The following IRF8 variants were observed in gnomAD, a reference collection of about 807,000 sequenced individuals.
IRF8 encodes the protein interferon regulatory factor 8.
IRF8 carries 14 observed loss-of-function variants against 48.7 expected under a neutral mutation model. The ratio of observed to expected loss-of-function variants is 0.29; its 90% CI spans 0.19 to 0.45. The LOEUF is 0.45. IRF8 is among the 20% of genes least tolerant of loss of function. The pLI is 1.00. For missense variants in IRF8, 493 were observed against 580.7 expected, an observed-to-expected ratio of 0.85 and a Z score of 1.55; for synonymous variants, 278 against 227.3, an observed-to-expected ratio of 1.22 and a Z score of -2.01.
chr16:85,920,527 C>T (rs112530866), intron 8 of IRF8, among the ~76,000 whole-genome samples: 10 of 152,288 alleles, frequency 6.6e-5, no homozygotes, highest in African/African-American at 2.4e-4. Flanking sequence ...CGTGAGCCAC[C>T]TCGCCCGGCA....
At chr16:85,904,894 C>T (rs1192454886) in intron 2 of IRF8, among the ~76,000 whole-genome samples, 2 of 144,858 alleles carry the variant, frequency 1.4e-5, no homozygotes, top group Non-Finnish European at 3.0e-5. Context: ...GTGCCAGAGT[C>T]CCATTCAGTC....
In IRF8 at chr16:85,921,094, C is replaced by T. The variant is rs1397697677; in HGVS notation, c.1105-12C>T. 1.2e-6 allele frequency: 2 copies of T among 1,608,830 alleles called. No homozygotes were observed. Among genetic ancestry groups the T allele is most frequent in the Admixed American group, 1.7e-5 (1 of 59,318 alleles). On this transcript the variant is annotated splice_polypyrimidine_tract_variant and intron_variant, in intron 8 of 8. Transcript: ENST00000268638. ...CCGCCTCTGCCTCTGACTTTCTGCA[C>T]CTCCCATCTAGATTGAGCAGCTGTA...
rs374858737 is a variant in IRF8 at position 85,902,851 on chromosome 16, T to C, written c.-1-164T>C. 9.2e-5 allele frequency: 69 copies of C among 747,542 alleles called. No homozygotes were observed. In the Middle Eastern group the frequency reaches 1.1e-3, roughly 11 times the overall value. 46.3% of individuals were successfully genotyped at this position (747,542 alleles called of 1,614,324 possible). ...GGCTGTGAGGTCATGGAGGCCAGCA[T>C]TGCCTTCTCATGGCAGGTGTCCCGG... On this transcript the variant is annotated intron_variant, in intron 1 of 8. Coordinates refer to ENST00000268638, the MANE Select transcript of IRF8 (RefSeq NM_002163.4).
intron 7 of IRF8, among the ~76,000 whole-genome samples, chr16:85,919,550 G>A (rs1036351056): frequency 7.9e-5 from 12 of 152,186 alleles, no homozygotes; most frequent in African/African-American, 9.7e-5. Context: ...GTGTGAGGCC[G>A]CGGTTATCAC....
chr16:85,906,579 C>G (rs992126984), intron 2 of IRF8, among the ~76,000 whole-genome samples: 1 of 152,338 alleles, frequency 6.6e-6, no homozygotes, highest in East Asian at 1.9e-4. Flanking sequence ...CCTGGACTTG[C>G]TCGTGGGGTG....
chr16:85,917,753 T>C (rs1905363886), intron 6 of IRF8, among the ~76,000 whole-genome samples: 1 of 152,216 alleles, frequency 6.6e-6, no homozygotes, highest in Non-Finnish European at 1.5e-5. Flanking sequence ...GTTGGAAGAA[T>C]ATTGAAGATG....
intron 5 of IRF8, 111 bp from the exon 6 acceptor site, chr16:85,914,362 G>A: frequency 3.2e-6 from 4 of 1,258,004 alleles, no homozygotes; most frequent in Admixed American, 1.8e-5. Flanking sequence ...TGGAGCCTCT[G>A]GCACGCCATG....
At chr16:85,899,560 G>A (rs1370490890) in intron 1 of IRF8, among the ~76,000 whole-genome samples, 1 of 152,102 alleles carries the variant, frequency 6.6e-6, no homozygotes, top group Non-Finnish European at 1.5e-5. Context: ...CTTGAAACGC[G>A]CTCTATCATC....
chr16:85,900,096 T>C (rs1904781934), intron 1 of IRF8, among the ~76,000 whole-genome samples: 1 of 152,330 alleles, frequency 6.6e-6, no homozygotes, highest in East Asian at 1.9e-4. Flanking sequence ...ATTCAGTCAC[T>C]TGAGGAAGGT....
chr16:85,914,254 T>TC, intron 5 of IRF8: 2 of 600,924 alleles, frequency 3.3e-6, no homozygotes, highest in Admixed American at 2.5e-5. Flanking sequence ...ATAGAGGAAG[T>TC]CCCCCCGACT....
At chr16:85,918,235 A>G in intron 6 of IRF8, 182 bp from the exon 7 acceptor site, 1 of 644,320 alleles carries the variant, frequency 1.6e-6, no homozygotes, top group East Asian at 2.7e-5. Context: ...CATTCTGTGT[A>G]TTTATTCATG....
chr16:85,909,245 G>A (rs780982290), intron 3 of IRF8, 72 bp downstream of exon 3: 5 of 1,270,560 alleles, frequency 3.9e-6, no homozygotes, highest in South Asian at 2.5e-5. Context: ...CAGAACTTGG[G>A]TCTGGGGTAG....
chr16:85,918,848 C>T (rs374707421), intron 7 of IRF8, 45 bp downstream of exon 7: 58 of 1,598,624 alleles, frequency 3.6e-5, no homozygotes, highest in African/African-American at 1.3e-4. Flanking sequence ...TTAGAGATCA[C>T]GCCTCCTATC....
chr16:85,900,094 A>T, intron 1 of IRF8, among the ~76,000 whole-genome samples: 1 of 152,218 alleles, frequency 6.6e-6, no homozygotes, highest in Admixed American at 6.5e-5. Flanking sequence ...TGATTCAGTC[A>T]CTTGAGGAAG....
At position 85,921,667 on chromosome 16, in the gene IRF8, T is replaced by G; in HGVS notation, c.*385T>G. ...AGGAATTTGGAGTTTAAAAATCAAC[T>G]TGTGAAAACAAGGTTGTTTTTGTCT... On this transcript the variant is annotated 3_prime_UTR_variant, in exon 9 of 9. Coordinates refer to ENST00000268638, the MANE Select transcript of IRF8 (RefSeq NM_002163.4). The G allele has an allele frequency of 1.2e-5, 3 of 257,748 alleles. No individual in the cohort carries two copies. The highest frequency in any genetic ancestry group is 2.3e-5 in the Non-Finnish European group (3 of 131,330). 16.0% of individuals were successfully genotyped at this position (257,748 alleles called of 1,614,324 possible).
intron 6 of IRF8, among the ~76,000 whole-genome samples, chr16:85,915,242 C>G (rs1461577761): frequency 6.6e-6 from 1 of 152,230 alleles, no homozygotes; most frequent in Non-Finnish European, 1.5e-5. Flanking sequence ...GACGCTCAGG[C>G]GTGGTGACGG....
intron 2 of IRF8, among the ~76,000 whole-genome samples, chr16:85,906,991 G>C (rs1447066864): frequency 1.3e-5 from 2 of 152,082 alleles, no homozygotes; most frequent in Non-Finnish European, 2.9e-5. Context: ...TTAGTACATG[G>C]TTTGCTGGTT....
intron 6 of IRF8, among the ~76,000 whole-genome samples, chr16:85,917,728 T>C (rs1905362514): frequency 1.3e-5 from 2 of 152,208 alleles, no homozygotes; most frequent in South Asian, 2.1e-4. Flanking sequence ...GGCTTGCTTT[T>C]TGAGGTAATC....
chr16:85,902,025 T>TTC (rs1418445826), intron 1 of IRF8, among the ~76,000 whole-genome samples: 1 of 151,932 alleles, frequency 6.6e-6, no homozygotes, highest in Non-Finnish European at 1.5e-5. Flanking sequence ...GTCATGCTAG[T>TTC]TCTCTCTCTC....
Sources: gnomAD v4.1 joint callset for allele counts (sites outside exome capture counted in the v4.1 genomes callset) on GRCh38, gnomAD v4.1.1 for gene constraint, MANE v1.5 for transcripts, NCBI Gene and HGNC (gene_info 2026-07-23, HGNC 2026-07-21) for gene names.